FAM210B: variants seen among roughly 807,000 people sequenced by gnomAD.
The protein encoded by FAM210B is mitochondrial inner membrane scaffold 2, also known as family with sequence similarity 210 member B.
Under a neutral mutation model 14.9 loss-of-function variants are expected in FAM210B, and 11 were observed. The observed-to-expected ratio is 0.74, with a 90% CI of 0.46 to 1.22. The LOEUF (loss-of-function observed/expected upper bound fraction) is 1.22, where lower values mean the gene tolerates loss of function less well. FAM210B is among the 50% of genes most tolerant of loss of function. The pLI, the probability that FAM210B is intolerant of heterozygous loss-of-function variation, is 0.00. For missense variants in FAM210B, 229 were observed against 250.1 expected (o/e 0.92, Z 0.57); for synonymous variants, 113 against 110.2 (o/e 1.03, Z -0.16).
rs1369107245 is a variant in FAM210B, at chr20:56,359,287, C to T, written c.186+96C>T. On this transcript the variant is annotated intron_variant, in intron 1 of 2. Coordinates refer to ENST00000371384, the MANE Select transcript of FAM210B (RefSeq NM_080821.3). The surrounding 1 kb of genome is among the most constrained non-coding windows in gnomAD (Gnocchi z 4.3). ...GGTCCGGCCGCCTCCGCCAAGGACGCCTTTGCACTTGTAGCTGCCCGGGAC... is the reference window on the plus strand; with the variant it reads ...GGTCCGGCCGCCTCCGCCAAGGACGTCTTTGCACTTGTAGCTGCCCGGGAC... The T allele has an allele frequency of 1.7e-6, 2 of 1,154,482 alleles. No individual in the cohort carries two copies. Among genetic ancestry groups the T allele is most frequent in the African/African-American group, 1.6e-5 (1 of 62,060 alleles). The allele number at this position is 1,154,482 out of a possible 1,614,324, so 71.5% of individuals were successfully genotyped here.
rs1023264688 is a variant in FAM210B at position 56,367,039 on chromosome 20, G to A, written c.*752G>A. 7 of 152,428 alleles carry A rather than the reference G, an allele frequency of 4.6e-5. No homozygotes were observed. The highest frequency in any genetic ancestry group is 2.0e-4 in the Admixed American group (3 of 15,264). 9.4% of individuals were successfully genotyped at this position (152,428 alleles called of 1,614,324 possible). On this transcript the variant is annotated 3_prime_UTR_variant, in exon 3 of 3. Coordinates refer to ENST00000371384, the MANE Select transcript of FAM210B (RefSeq NM_080821.3). ...TGATGCCCATGTTCCAGAGGAATTC[G>A]GATACCACAAACAGCTAAGACAATC...
rs149882892 is a variant in FAM210B, at chr20:56,365,094, G to A, written c.194G>A (p.Ser65Asn). The change falls in exon 2 of 3, where the codon AGC (serine) becomes AAC (asparagine). Residue 65 changes from serine (S) to asparagine (N), a missense_variant. Physicochemically the swap from Ser to Asn is conservative, Grantham distance 46. This residue lies in a region of FAM210B where 144 missense variants were observed against 132.5 expected (regional missense o/e 1.09). Transcript: ENST00000371384. ...RGDCRGHQDP[S>N]QATGTTGSSV... ...TCTCTGATTTGTACACAGGACCCCA[G>A]CCAGGCCACGGGGACAACAGGCAGC... 1 of 1,612,930 alleles carries A rather than the reference G, an allele frequency of 6.2e-7. No homozygotes were observed. The highest frequency in any genetic ancestry group is 8.5e-7 in the Non-Finnish European group (1 of 1,179,890).
intron 2 of FAM210B, among the ~76,000 whole-genome samples, 190 bp from the exon 3 acceptor site, chr20:56,365,881 C>T (rs577327413): frequency 1.5e-4 from 22 of 151,026 alleles, no homozygotes; most frequent in Admixed American, 2.6e-4. Context: ...TGAGCTCAAG[C>T]GATCCTCCCA....
chr20:56,366,384 G>C lies in FAM210B; in HGVS notation c.*97G>C. ...TTAGGGTTGTAGGGTTTCTTTTGGA[G>C]AGGTAGGGGGCTAATTGCTATGTTC... On this transcript the variant is annotated 3_prime_UTR_variant, in exon 3 of 3. Transcript: ENST00000371384. The C allele has an allele frequency of 8.7e-7, 1 of 1,145,776 alleles. No homozygotes were observed. Among genetic ancestry groups the C allele is most frequent in the Non-Finnish European group, 1.3e-6 (1 of 790,602 alleles). 71.0% of individuals were successfully genotyped at this position (1,145,776 alleles called of 1,614,324 possible).
rs1319332774 is a variant in FAM210B at position 56,367,176 on chromosome 20, T to A, written c.*889T>A. ...GTTCAAGAAAAAAAAAGATTTTGTATCACTTCTTAAAAAGGAATATTCATA... is the reference window on the plus strand; with the variant it reads ...GTTCAAGAAAAAAAAAGATTTTGTAACACTTCTTAAAAAGGAATATTCATA... On this transcript the variant is annotated 3_prime_UTR_variant, in exon 3 of 3. Transcript: ENST00000371384. 2.0e-5 allele frequency: 3 copies of A among 152,262 alleles called. No homozygotes were observed. The highest frequency in any genetic ancestry group is 2.9e-5 in the Non-Finnish European group (2 of 68,030). The allele number at this position is 152,262 out of a possible 1,614,324, so 9.4% of individuals were successfully genotyped here. A position where few individuals can be genotyped will look rare whatever the true frequency, so the allele number is the denominator to read the frequency against.
chr20:56,364,400 C>A (rs1377204972), intron 1 of FAM210B, among the ~76,000 whole-genome samples: 2 of 152,198 alleles, frequency 1.3e-5, no homozygotes. Context: ...CTCACAACCC[C>A]CTCCCCGACA....
Position 56,368,494 on chromosome 20 carries a change from T to G in FAM210B, c.*2207T>G, listed in dbSNP as rs925677246. The G allele has an allele frequency of 1.3e-5, 2 of 152,196 alleles. No homozygotes were observed. Among genetic ancestry groups the G allele is most frequent in the Admixed American group, 6.6e-5 (1 of 15,266 alleles). 9.4% of individuals were successfully genotyped at this position (152,196 alleles called of 1,614,324 possible). On this transcript the variant is annotated 3_prime_UTR_variant, in exon 3 of 3. Coordinates refer to ENST00000371384, the MANE Select transcript of FAM210B (RefSeq NM_080821.3). Reference sequence around the variant, plus strand: ...GCTCTCTCCTAAGCCCCAACCCCACTCCACTCCTGTGGCCAGGGGTCCAAA... The same window carrying G: ...GCTCTCTCCTAAGCCCCAACCCCACGCCACTCCTGTGGCCAGGGGTCCAAA...
At chr20:56,361,099 G>A (rs938331386) in intron 1 of FAM210B, among the ~76,000 whole-genome samples, 4 of 152,132 alleles carry the variant, frequency 2.6e-5, no homozygotes, top group Admixed American at 6.5e-5. Flanking sequence ...CCTGTAAACC[G>A]CCTAGCAGCC....
intron 1 of FAM210B, among the ~76,000 whole-genome samples, chr20:56,364,611 C>A (rs1184463415): frequency 6.6e-6 from 1 of 152,208 alleles, no homozygotes; most frequent in Non-Finnish European, 1.5e-5. Flanking sequence ...CCAGCCATAC[C>A]TAGTTCCAGG....
At position 56,358,976 on chromosome 20, in the gene FAM210B, C is replaced by T. The variant is rs1221863622; in HGVS notation, c.-30C>T. 5.9e-6 allele frequency: 7 copies of T among 1,189,240 alleles called. No homozygotes were observed. Among genetic ancestry groups the T allele is most frequent in the East Asian group, 4.0e-5 (1 of 25,034 alleles). The allele number at this position is 1,189,240 out of a possible 1,614,324, so 73.7% of individuals were successfully genotyped here. A position where few individuals can be genotyped will look rare whatever the true frequency, so the allele number is the denominator to read the frequency against. The stretch of plus-strand genomic sequence containing the variant: ...GGCCTCCGCCCGCCTCCCGGGTCAG[C>T]GGCGCGGGTGCTGCGCCTAGCTGCG... On this transcript the variant is annotated 5_prime_UTR_variant, in exon 1 of 3. Transcript: ENST00000371384.
intron 2 of FAM210B, 68 bp downstream of exon 2, chr20:56,365,330 G>C (rs928185990): frequency 1.3e-6 from 2 of 1,533,998 alleles, no homozygotes; most frequent in Non-Finnish European, 1.8e-6. Flanking sequence ...GAATAAGAAC[G>C]TGTTTGCTAA....
Position 56,366,319 on chromosome 20 carries a change from A to C in FAM210B, c.*32A>C. 6.3e-7 allele frequency: 1 copy of C among 1,596,800 alleles called. No homozygotes were observed. On this transcript the variant is annotated 3_prime_UTR_variant, in exon 3 of 3. Coordinates refer to ENST00000371384, the MANE Select transcript of FAM210B (RefSeq NM_080821.3). Reference sequence around the variant, plus strand: ...CTTCAGTCGTACACACTGAAAACCTATTTCTTCTAAATTACATGATTTGGA... The same window carrying C: ...CTTCAGTCGTACACACTGAAAACCTCTTTCTTCTAAATTACATGATTTGGA...
chr20:56,360,923 G>C (rs774529726), intron 1 of FAM210B, among the ~76,000 whole-genome samples: 2 of 152,312 alleles, frequency 1.3e-5, no homozygotes, highest in African/African-American at 2.4e-5. Flanking sequence ...GCCCACCCTC[G>C]TCGGGAGGTA....
At chr20:56,361,504 G>A (rs1211601335) in intron 1 of FAM210B, among the ~76,000 whole-genome samples, 3 of 152,252 alleles carry the variant, frequency 2.0e-5, no homozygotes, top group South Asian at 2.1e-4. Context: ...GTTGTTCAGA[G>A]CAAAGGCCCT....
Position 56,359,093 on chromosome 20 carries a change from GC to G in FAM210B, c.93del (p.Cys32AlafsTer15). On this transcript the variant is annotated frameshift_variant, in exon 1 of 3. Transcript: ENST00000371384. LOFTEE classifies it high-confidence loss of function. The surrounding 1 kb of genome is among the most constrained non-coding windows in gnomAD (Gnocchi z 4.3). ...CGCCACCTGGCTCCTGGGCGCCACC[GC>G]CCCCTGCGCCCCGCCGCCCCTGGCC... is the stretch of plus-strand genomic sequence containing the variant. ...PRATWLLGAT[A>X]PCAPPPLALA... 7.5e-6 allele frequency: 10 copies of G among 1,337,038 alleles called. No individual in the cohort carries two copies. Among genetic ancestry groups the G allele is most frequent in the South Asian group, 3.6e-5 (2 of 55,124 alleles). The allele number at this position is 1,337,038 out of a possible 1,614,324, so 82.8% of individuals were successfully genotyped here. A position where few individuals can be genotyped will look rare whatever the true frequency, so the allele number is the denominator to read the frequency against.
At chr20:56,364,292 C>T (rs1365628594) in intron 1 of FAM210B, among the ~76,000 whole-genome samples, 1 of 152,222 alleles carries the variant, frequency 6.6e-6, no homozygotes, top group Non-Finnish European at 1.5e-5. Flanking sequence ...CATGTCCTGC[C>T]TTTTCCAGCT....
In FAM210B at chr20:56,366,374, T is replaced by G; in HGVS notation, c.*87T>G. The G allele has an allele frequency of 7.3e-7, 1 of 1,363,068 alleles. No homozygotes were observed. Among genetic ancestry groups the G allele is most frequent in the Non-Finnish European group, 1.0e-6 (1 of 976,678 alleles). The allele number at this position is 1,363,068 out of a possible 1,614,324, so 84.4% of individuals were successfully genotyped here. A position where few individuals can be genotyped will look rare whatever the true frequency, so the allele number is the denominator to read the frequency against. ...TTTTAGGGTTTTAGGGTTGTAGGGT[T>G]TCTTTTGGAGAGGTAGGGGGCTAAT... On this transcript the variant is annotated 3_prime_UTR_variant, in exon 3 of 3. Transcript: ENST00000371384.
intron 1 of FAM210B, chr20:56,360,637 G>A (rs928401193): frequency 2.9e-5 from 5 of 174,466 alleles, no homozygotes; most frequent in Non-Finnish European, 5.0e-5. Flanking sequence ...GTTCATACCT[G>A]GCATCTGGTG....
rs1338183426 is a variant in FAM210B at position 56,368,334 on chromosome 20, AAAAAAAAAG to A, written c.*2062_*2070del. 36 of 152,466 alleles carry A rather than the reference AAAAAAAAAG, an allele frequency of 2.4e-4. No individual in the cohort carries two copies. The highest frequency in any genetic ancestry group is 4.0e-4 in the Non-Finnish European group (27 of 68,032). The allele number at this position is 152,466 out of a possible 1,614,324, so 9.4% of individuals were successfully genotyped here. On this transcript the variant is annotated 3_prime_UTR_variant, in exon 3 of 3. Coordinates refer to ENST00000371384, the MANE Select transcript of FAM210B (RefSeq NM_080821.3). ...TGTCCCTAGTAATGCCTATGCAAAA[AAAAAAAAAG>A]AAAAAAAAGAAAAACTGATGGTGAA... is the stretch of plus-strand genomic sequence containing the variant.
Sources: gnomAD v4.1 joint callset for allele counts (sites outside exome capture counted in the v4.1 genomes callset) on GRCh38, gnomAD v4.1.1 for gene constraint, gnomAD v4.1.1 regional missense constraint, Gnocchi (gnomAD v3.1) non-coding constraint, MANE v1.5 for transcripts, NCBI Gene and HGNC (gene_info 2026-07-23, HGNC 2026-07-21) for gene names.